GAS7: variants seen among roughly 807,000 people sequenced by gnomAD.
GAS7 encodes growth arrest specific 7.
A neutral mutation model predicts 71.1 loss-of-function variants in GAS7; 28 were observed. The ratio of observed to expected loss-of-function variants is 0.39; its 90% CI spans 0.29 to 0.54. The LOEUF (loss-of-function observed/expected upper bound fraction) is 0.54, where lower values mean the gene tolerates loss of function less well. GAS7 is among the 20% of genes least tolerant of loss of function. The pLI is 0.62. For synonymous variants in GAS7, 258 were observed against 245.8 expected, an observed-to-expected ratio of 1.05 and a Z score of -0.46; for missense variants, 436 against 627.8, an observed-to-expected ratio of 0.69 and a Z score of 3.27.
chr17:10,133,122 A>ATATATT (rs1392845338), intron 1 of GAS7, among the ~76,000 whole-genome samples: 29 of 118,924 alleles, frequency 2.4e-4, no homozygotes, highest in East Asian at 1.5e-3. Context: ...ATATTTTTAT[A>ATATATT]TTTTTTTTTT....
intron 1 of GAS7, among the ~76,000 whole-genome samples, chr17:10,112,396 G>A (rs921546475): frequency 2.6e-5 from 4 of 152,160 alleles, no homozygotes; most frequent in Admixed American, 1.3e-4. Context: ...AGATGGAGAT[G>A]AGAGAGAGGA....
intron 6 of GAS7, among the ~76,000 whole-genome samples, 180 bp downstream of exon 6, chr17:9,946,714 A>G (rs2068800872): frequency 6.6e-6 from 1 of 152,192 alleles, no homozygotes; most frequent in Non-Finnish European, 1.5e-5. Flanking sequence ...GATTCATGGA[A>G]TGAGCTGGAC....
Position 10,156,663 on chromosome 17 carries a change from T to C in GAS7, c.183+41545A>G, listed in dbSNP as rs115092091. Among the ~76,000 whole-genome samples the C allele has an allele frequency of 1.7e-3, 252 of 152,222 alleles. 1 individual carries two copies. Among genetic ancestry groups the C allele is most frequent in the African/African-American group, 5.8e-3 (240 of 41,546 alleles). ...GCCACTGAAAGTCATAGGTAGGAGA[T>C]GAAGGTTCATGAGGAAAGCGAGGTT... On this transcript the variant is annotated intron_variant, in intron 1 of 13. Transcript: ENST00000432992.
chr17:10,007,361 A>G (rs756656615), intron 2 of GAS7, among the ~76,000 whole-genome samples: 7 of 152,138 alleles, frequency 4.6e-5, no homozygotes, highest in Non-Finnish European at 1.0e-4. Context: ...ACGGTGGCTC[A>G]TGCCTGTATT....
At chr17:10,182,710 C>T (rs1225605453) in intron 1 of GAS7, among the ~76,000 whole-genome samples, 1 of 152,084 alleles carries the variant, frequency 6.6e-6, no homozygotes, top group African/African-American at 2.4e-5. Context: ...CAGGAGACAC[C>T]GGCTTTGTGG....
chr17:10,000,673 G>A (rs1013691082), intron 2 of GAS7, among the ~76,000 whole-genome samples: 10 of 152,268 alleles, frequency 6.6e-5, no homozygotes, highest in Non-Finnish European at 1.0e-4. Context: ...AAAGTTCTGC[G>A]TTTGCACACC....
In GAS7 at chr17:9,912,737, G is replaced by A. The variant is rs1026277020; in HGVS notation, c.*4491C>T. ...CAGCTGGCATTTGGAGGAGGAGCCT[G>A]GGGAACTGAAGGAAGCAGCAAGCTG... On this transcript the variant is annotated 3_prime_UTR_variant, in exon 14 of 14. Coordinates refer to ENST00000432992, the MANE Select transcript of GAS7 (RefSeq NM_201433.2). The A allele has an allele frequency of 4.3e-6, 1 of 232,876 alleles. No homozygotes were observed. Among genetic ancestry groups the A allele is most frequent in the Non-Finnish European group, 8.5e-6 (1 of 117,796 alleles). 14.4% of individuals were successfully genotyped at this position (232,876 alleles called of 1,614,324 possible).
At chr17:9,951,833 G>A (rs900237268) in intron 5 of GAS7, among the ~76,000 whole-genome samples, 4 of 148,664 alleles carry the variant, frequency 2.7e-5, no homozygotes, top group Admixed American at 1.4e-4. Context: ...TGGCCAAAAC[G>A]TGGGGCAGGC....
chr17:10,117,866 C>G (rs1488953009), intron 1 of GAS7, among the ~76,000 whole-genome samples: 2 of 152,128 alleles, frequency 1.3e-5, no homozygotes, highest in African/African-American at 2.4e-5. Flanking sequence ...CAAGAAGGGC[C>G]AACCTGCATT....
intron 1 of GAS7, among the ~76,000 whole-genome samples, chr17:10,099,443 C>T (rs2073677147): frequency 6.6e-6 from 1 of 152,236 alleles, no homozygotes; most frequent in Non-Finnish European, 1.5e-5. Context: ...CACCGTCATG[C>T]TGTTAAGTGA....
Position 10,198,422 on chromosome 17 carries a change from G to C in GAS7, c.-32C>G, listed in dbSNP as rs1567629697. On this transcript the variant is annotated 5_prime_UTR_variant, in exon 1 of 14. Transcript: ENST00000432992. ...GGCGCCCGGGTTCACAGCGCAGCCT[G>C]CATTCCCGCCGAGCCCCACGGGCTG... 1.4e-6 allele frequency: 2 copies of C among 1,476,838 alleles called. No individual in the cohort carries two copies. The highest frequency in any genetic ancestry group is 1.8e-6 in the Non-Finnish European group (2 of 1,118,784). 91.5% of individuals were successfully genotyped at this position (1,476,838 alleles called of 1,614,324 possible).
Position 9,917,321 on chromosome 17 carries a change from C to G in GAS7, c.1338G>C (p.Gln446His). 2.5e-6 allele frequency: 4 copies of G among 1,613,724 alleles called. No individual in the cohort carries two copies. Among genetic ancestry groups the G allele is most frequent in the Non-Finnish European group, 3.4e-6 (4 of 1,179,540 alleles). Residue 446 changes from glutamine to histidine, a missense_variant, in exon 14 of 14, where the codon CAG becomes CAC. Coordinates refer to ENST00000432992, the MANE Select transcript of GAS7 (RefSeq NM_201433.2). ...FNQSTVEPVD[Q>H]LLRKVDPAKD... ...TGGCCGGGTCCACTTTTCGAAGCAG[C>G]TGATCCACGGGCTCGACTGTCTGCA...
At chr17:9,984,785 T>C (rs929771092) in intron 2 of GAS7, among the ~76,000 whole-genome samples, 10 of 152,236 alleles carry the variant, frequency 6.6e-5, no homozygotes, top group African/African-American at 2.4e-4. Flanking sequence ...GCACATGGTA[T>C]GTGCTTTCTC....
intron 1 of GAS7, among the ~76,000 whole-genome samples, chr17:10,066,219 C>T (rs943749780): frequency 1.2e-4 from 18 of 152,282 alleles, no homozygotes; most frequent in African/African-American, 3.6e-4. Context: ...GCTAATTTGT[C>T]GCCCAAGCTG....
At chr17:10,039,884 T>C (rs980040888) in intron 1 of GAS7, 1 of 333,622 alleles carries the variant, frequency 3.0e-6, no homozygotes, top group African/African-American at 2.2e-5. Context: ...CCCTTGGACA[T>C]ATCAATTCCT....
chr17:10,115,030 T>G (rs1402800306), intron 1 of GAS7, among the ~76,000 whole-genome samples: 1 of 152,180 alleles, frequency 6.6e-6, no homozygotes, highest in Non-Finnish European at 1.5e-5. Flanking sequence ...TGTCTGTCTG[T>G]CTGTCTGGCT....
Position 9,916,195 on chromosome 17 carries a change from A to G in GAS7, c.*1033T>C. 1 of 232,830 alleles carries G rather than the reference A, an allele frequency of 4.3e-6. No individual in the cohort carries two copies. Among genetic ancestry groups the G allele is most frequent in the Admixed American group, 5.6e-5 (1 of 17,768 alleles). The allele number at this position is 232,830 out of a possible 1,614,324, so 14.4% of individuals were successfully genotyped here. A position where few individuals can be genotyped will look rare whatever the true frequency, so the allele number is the denominator to read the frequency against. ...ACAAGAAGACAGAGCCATCTGGGGGATGGCAAAGACTTGCCCTAACCCATC... is the reference window on the plus strand; with the variant it reads ...ACAAGAAGACAGAGCCATCTGGGGGGTGGCAAAGACTTGCCCTAACCCATC... On this transcript the variant is annotated 3_prime_UTR_variant, in exon 14 of 14. Transcript: ENST00000432992.
At chr17:10,134,597 C>T (rs2074024376) in intron 1 of GAS7, among the ~76,000 whole-genome samples, 1 of 152,162 alleles carries the variant, frequency 6.6e-6, no homozygotes, top group Admixed American at 6.5e-5. Flanking sequence ...TTCTCTTATC[C>T]TGAAATTGAT....
At chr17:10,019,694 G>A (rs766656913) in intron 2 of GAS7, 83 bp downstream of exon 2, 8 of 1,366,656 alleles carry the variant, frequency 5.9e-6, no homozygotes, top group Middle Eastern at 2.6e-4. Context: ...ACAGAGAGGC[G>A]AAGAAGGGAG....
Sources: allele counts gnomAD v4.1 joint callset (sites outside exome capture counted in the v4.1 genomes callset), GRCh38; gene constraint gnomAD v4.1.1; transcripts MANE v1.5; gene names NCBI Gene and HGNC (gene_info 2026-07-23, HGNC 2026-07-21).